The following PCSK5 variants were observed in gnomAD, a reference collection of about 807,000 sequenced individuals.
PCSK5 encodes proprotein convertase subtilisin/kexin type 5.
A neutral mutation model predicts 233.2 loss-of-function variants in PCSK5; 129 were observed. The ratio of observed to expected loss-of-function variants is 0.55; its 90% CI spans 0.48 to 0.64. The LOEUF is 0.64. PCSK5 is among the 30% of genes least tolerant of loss of function. The pLI, the probability that PCSK5 is intolerant of heterozygous loss-of-function variation, is 0.00. For synonymous variants in PCSK5, 825 were observed against 879.2 expected, an observed-to-expected ratio of 0.94 and a Z score of 1.09; for missense variants, 2,076 against 2,430.1, an observed-to-expected ratio of 0.85 and a Z score of 3.06.
Position 76,315,634 on chromosome 9 carries a change from G to A in PCSK5, c.3884+4783G>A, listed in dbSNP as rs919056443. Among the ~76,000 whole-genome samples the A allele has an allele frequency of 1.8e-4, 26 of 147,378 alleles. No homozygotes were observed. The Admixed American group carries it at 1.8e-3, about 10-fold the overall frequency. ...CAACTCCCAGGCAGATCTGTGTGGA[G>A]AAGACTACTTTTTTTTTTTTTTTTT... On this transcript the variant is annotated intron_variant, in intron 30 of 37. Coordinates refer to ENST00000674117, the MANE Select transcript of PCSK5 (RefSeq NM_001372043.1).
chr9:76,353,854 A>G (rs535541186), intron 36 of PCSK5, among the ~76,000 whole-genome samples, 179 bp from the exon 37 acceptor site: 1 of 152,272 alleles, frequency 6.6e-6, no homozygotes, highest in African/African-American at 2.4e-5. Flanking sequence ...ATTCCACCCC[A>G]TCACAGACAG....
intron 24 of PCSK5, among the ~76,000 whole-genome samples, chr9:76,276,704 T>C (rs1309494611): frequency 1.3e-5 from 2 of 152,176 alleles, no homozygotes; most frequent in East Asian, 1.9e-4. Context: ...TTAGGGCCTC[T>C]CCTCTCCACC....
chr9:76,246,372 C>T (rs964746055), intron 24 of PCSK5, among the ~76,000 whole-genome samples: 49 of 148,344 alleles, frequency 3.3e-4, no homozygotes, highest in African/African-American at 9.1e-4. Flanking sequence ...AAAAAACTAC[C>T]GTGAGATACC....
At chr9:76,222,297 G>A (rs1403633001) in intron 20 of PCSK5, among the ~76,000 whole-genome samples, 3 of 152,072 alleles carry the variant, frequency 2.0e-5, no homozygotes, top group Non-Finnish European at 4.4e-5. Context: ...GTATTGGCCT[G>A]CTAAGACACA....
chr9:76,009,148 G>T (rs2792221), intron 3 of PCSK5, among the ~76,000 whole-genome samples: 40,693 of 151,896 alleles, frequency 0.27, 6,221 homozygotes, highest in East Asian at 0.64. Context: ...AAAAGCATGC[G>T]CAAAATATTT....
chr9:75,928,017 C>T (rs571384957), intron 1 of PCSK5, among the ~76,000 whole-genome samples: 103 of 152,158 alleles, frequency 6.8e-4, no homozygotes, highest in Admixed American at 1.8e-3. Context: ...GCAAGGGTGA[C>T]GGGCTATCAT....
intron 9 of PCSK5, among the ~76,000 whole-genome samples, chr9:76,108,981 TGA>T (rs898972895): frequency 6.6e-6 from 1 of 152,232 alleles, no homozygotes; most frequent in East Asian, 1.9e-4. Flanking sequence ...GCCTGGAGAT[TGA>T]GAGATATCCA....
chr9:76,283,125 G>A (rs190288758), intron 24 of PCSK5, among the ~76,000 whole-genome samples: 122 of 152,336 alleles, frequency 8.0e-4, no homozygotes, highest in Non-Finnish European at 1.4e-3. Flanking sequence ...TGAAGATGCT[G>A]TGAACATTGT....
intron 20 of PCSK5, among the ~76,000 whole-genome samples, chr9:76,204,534 G>A (rs1467802124): frequency 1.3e-5 from 2 of 149,724 alleles, no homozygotes; most frequent in Non-Finnish European, 3.0e-5. Flanking sequence ...GCCTGTCCCG[G>A]TGGCCAAGCC....
In PCSK5 at chr9:75,926,696, T is replaced by C. The variant is rs76294796; in HGVS notation, c.193-5683T>C. On this transcript the variant is annotated intron_variant, in intron 1 of 37. Transcript: ENST00000674117. ...TTTATGTTAATGGAATCATATGGTA[T>C]GCACGTTTTTGTGTTAACATATTTT... is the stretch of plus-strand genomic sequence containing the variant. Among the ~76,000 whole-genome samples, 556 of 152,350 alleles carry C rather than the reference T, an allele frequency of 3.6e-3. 2 individuals are homozygous for C. The highest frequency in any genetic ancestry group is 6.1e-3 in the Non-Finnish European group (412 of 68,036).
At chr9:76,098,342 G>T (rs547619724) in intron 8 of PCSK5, among the ~76,000 whole-genome samples, 18 of 152,338 alleles carry the variant, frequency 1.2e-4, no homozygotes, top group African/African-American at 3.6e-4. Context: ...CAAAAATGCA[G>T]AGATGAGCTT....
At chr9:76,206,076 G>A (rs777701319) in intron 20 of PCSK5, among the ~76,000 whole-genome samples, 13 of 152,084 alleles carry the variant, frequency 8.5e-5, no homozygotes, top group African/African-American at 1.2e-4. Flanking sequence ...CAGAATCACC[G>A]GGACAGCCTG....
chr9:76,049,111 TAAA>T (rs939683935), intron 5 of PCSK5, among the ~76,000 whole-genome samples: 3 of 150,270 alleles, frequency 2.0e-5, no homozygotes, highest in Non-Finnish European at 4.4e-5. Flanking sequence ...AAAAAAAAAA[TAAA>T]GAAGAAAGAA....
intron 5 of PCSK5, among the ~76,000 whole-genome samples, chr9:76,065,644 G>GT (rs1322923841): frequency 6.6e-6 from 1 of 152,066 alleles, no homozygotes; most frequent in Non-Finnish European, 1.5e-5. Context: ...TTTGCAGAAG[G>GT]TTTTTAGCTT....
chr9:75,976,531 C>G (rs544527696), intron 2 of PCSK5, among the ~76,000 whole-genome samples: 1 of 151,202 alleles, frequency 6.6e-6, no homozygotes, highest in African/African-American at 2.4e-5. Flanking sequence ...GTTTTGGGAG[C>G]GACATCATCA....
intron 5 of PCSK5, among the ~76,000 whole-genome samples, chr9:76,032,365 G>A (rs1191341070): frequency 6.6e-6 from 1 of 152,120 alleles, no homozygotes; most frequent in Admixed American, 6.5e-5. Context: ...GCTGAATTGG[G>A]AGAAAATTTA....
intron 10 of PCSK5, among the ~76,000 whole-genome samples, chr9:76,146,683 A>T (rs1162667890): frequency 2.0e-5 from 3 of 152,016 alleles, no homozygotes; most frequent in Non-Finnish European, 4.4e-5. Flanking sequence ...ACCTTGCAGG[A>T]TTATTCTGAG....
chr9:75,981,321 A>G (rs959241171), intron 2 of PCSK5, among the ~76,000 whole-genome samples: 7 of 152,192 alleles, frequency 4.6e-5, no homozygotes, highest in Non-Finnish European at 8.8e-5. Flanking sequence ...GCCTTCCCTC[A>G]TTTTACAGAT....
intron 10 of PCSK5, among the ~76,000 whole-genome samples, chr9:76,135,507 T>C (rs7851740): frequency 0.11 from 16,161 of 152,140 alleles, 1,797 homozygotes; most frequent in African/African-American, 0.28. Context: ...CAATGAACTT[T>C]TAATCTAGAG....
Sources: gnomAD v4.1 joint callset for allele counts (sites outside exome capture counted in the v4.1 genomes callset) on GRCh38, gnomAD v4.1.1 for gene constraint, MANE v1.5 for transcripts, NCBI Gene and HGNC (gene_info 2026-07-23, HGNC 2026-07-21) for gene names.